Variants in MFHAS1 observed in about 807,000 individuals in gnomAD.
MFHAS1 encodes multifunctional ROCO family signaling regulator 1.
A neutral mutation model predicts 70.4 loss-of-function variants in MFHAS1; 50 were observed. That is an observed-to-expected ratio of 0.71 (90% CI 0.57 to 0.90). MFHAS1 has a LOEUF of 0.90. Ranked by LOEUF, MFHAS1 falls within the 40% of genes least tolerant of loss-of-function variation. The pLI, the probability that MFHAS1 is intolerant of heterozygous loss-of-function variation, is 0.00. For synonymous variants in MFHAS1, 952 were observed against 620.0 expected (o/e 1.54, Z -7.96); for missense variants, 1,795 against 1,347.6 (o/e 1.33, Z -5.20).
chr8:8,785,701 G>A lies in MFHAS1; in HGVS notation c.*321C>T. 2.9e-6 allele frequency: 1 copy of A among 342,226 alleles called. No homozygotes were observed. Among genetic ancestry groups the A allele is most frequent in the South Asian group, 4.7e-5 (1 of 21,172 alleles). The allele number at this position is 342,226 out of a possible 1,614,324, so 21.2% of individuals were successfully genotyped here. On this transcript the variant is annotated 3_prime_UTR_variant, in exon 3 of 3. Coordinates refer to ENST00000276282, the MANE Select transcript of MFHAS1 (RefSeq NM_004225.3). ...CCTGTACTGTAACTATGGCTTATATGTGCACGGAAAACAAAATCCCTGAGA... is the reference window on the plus strand; with the variant it reads ...CCTGTACTGTAACTATGGCTTATATATGCACGGAAAACAAAATCCCTGAGA...
At position 8,838,811 on chromosome 8, in the gene MFHAS1, C is replaced by CAAA. The variant is rs33959926; in HGVS notation, c.2999-41323_2999-41321dup. Among the ~76,000 whole-genome samples the CAAA allele has an allele frequency of 3.9e-3, 531 of 136,186 alleles. 4 individuals are homozygous for CAAA. The highest frequency in any genetic ancestry group is 6.3e-3 in the Non-Finnish European group (400 of 63,230). The allele number at this position is 136,186 out of a possible 152,430, so 89.3% of individuals were successfully genotyped here. The stretch of plus-strand genomic sequence containing the variant: ...TGAGCAACAGGGCGAGACCCTGCCT[C>CAAA]AAAAAAAAAAAAAAAATCCACGTAC... On this transcript the variant is annotated intron_variant, in intron 1 of 2. Coordinates refer to ENST00000276282, the MANE Select transcript of MFHAS1 (RefSeq NM_004225.3).
intron 1 of MFHAS1, among the ~76,000 whole-genome samples, chr8:8,808,322 C>T (rs150445796): frequency 0.023 from 3,535 of 151,620 alleles, 148 homozygotes; most frequent in African/African-American, 0.081. Flanking sequence ...CCCTGGGAAC[C>T]CTCCTCTGCC....
In MFHAS1 at chr8:8,891,039, G is replaced by A. The variant is rs765294264; in HGVS notation, c.2020C>T (p.Pro674Ser). Residue 674 changes from proline to serine, a missense_variant, in exon 1 of 3, where the codon CCT becomes TCT. Physicochemically the swap from Pro to Ser is moderately conservative, Grantham distance 74. Transcript: ENST00000276282. The surrounding 1 kb of genome is among the most constrained non-coding windows in gnomAD (Gnocchi z 5.4). The stretch of plus-strand genomic sequence containing the variant: ...CTTAGCCACAGTCGCTGGGCCTGAG[G>A]TGGCTGGAAATGCAGTTCCTCCAGC... ...QVLEELHFQP[P>S]QAQRLWLSWW... The A allele has an allele frequency of 4.3e-6, 7 of 1,613,736 alleles. No individual in the cohort carries two copies. The highest frequency in any genetic ancestry group is 1.1e-5 in the South Asian group (1 of 91,048).
Position 8,892,839 on chromosome 8 carries a change from C to G in MFHAS1, c.220G>C (p.Gly74Arg), listed in dbSNP as rs776899982. Reference sequence around the variant, plus strand: ...AGCCCCTCGGGTACCTCCTCCAGGCCGTTGTTCCCCAGGTTCAGTGCCTCA... The same window carrying G: ...AGCCCCTCGGGTACCTCCTCCAGGCGGTTGTTCCCCAGGTTCAGTGCCTCA... ...DIEALNLGNN[G>R]LEEVPEGLGS... The change falls in exon 1 of 3, where the codon GGC becomes CGC. Residue 74 changes from glycine (G) to arginine (R), a missense_variant. Coordinates refer to ENST00000276282, the MANE Select transcript of MFHAS1 (RefSeq NM_004225.3). The surrounding 1 kb of genome is among the most constrained non-coding windows in gnomAD (Gnocchi z 4.7). 4.4e-6 allele frequency: 7 copies of G among 1,596,508 alleles called. No homozygotes were observed. The Admixed American group carries it at 8.7e-5, about 20-fold the overall frequency.
At chr8:8,799,548 G>A (rs756687199) in intron 1 of MFHAS1, among the ~76,000 whole-genome samples, 2 of 152,190 alleles carry the variant, frequency 1.3e-5, no homozygotes, top group Non-Finnish European at 2.9e-5. Flanking sequence ...TTGAGCCCAG[G>A]AGTTCAAGAT....
chr8:8,786,794 T>A (rs1179413128), intron 2 of MFHAS1, among the ~76,000 whole-genome samples: 5 of 151,132 alleles, frequency 3.3e-5, no homozygotes, highest in Non-Finnish European at 4.4e-5. Flanking sequence ...CAATCCCCCA[T>A]CTCTCATTAG....
chr8:8,835,796 T>C (rs577275815), intron 1 of MFHAS1, among the ~76,000 whole-genome samples: 1 of 152,370 alleles, frequency 6.6e-6, no homozygotes, highest in South Asian at 2.1e-4. Context: ...AATTAAACTT[T>C]TCATGGCCTC....
In MFHAS1 at chr8:8,852,062, C is replaced by T. The variant is rs968290933; in HGVS notation, c.2998+37999G>A. On this transcript the variant is annotated intron_variant, in intron 1 of 2. Coordinates refer to ENST00000276282, the MANE Select transcript of MFHAS1 (RefSeq NM_004225.3). ...GGGTGGTGGAATGCCGGCTTCCATTCGAAGGAGACCCCTCTCCAGCACCAT... is the reference window on the plus strand; with the variant it reads ...GGGTGGTGGAATGCCGGCTTCCATTTGAAGGAGACCCCTCTCCAGCACCAT... 2.6e-5 allele frequency among the ~76,000 whole-genome samples: 4 copies of T among 152,256 alleles called. No individual in the cohort carries two copies. The South Asian group carries it at 6.2e-4, about 24-fold the overall frequency.
At chr8:8,882,413 C>G (rs550861318) in intron 1 of MFHAS1, among the ~76,000 whole-genome samples, 2 of 151,548 alleles carry the variant, frequency 1.3e-5, no homozygotes, top group Non-Finnish European at 2.9e-5. Flanking sequence ...AACAAACAAA[C>G]AAAATATCAT....
At chr8:8,882,167 G>A (rs1585070754) in intron 1 of MFHAS1, among the ~76,000 whole-genome samples, 3 of 152,082 alleles carry the variant, frequency 2.0e-5, no homozygotes, top group African/African-American at 4.8e-5. Context: ...GACCACCTGA[G>A]GTCAGGAGTT....
At chr8:8,788,693 A>T (rs1341838779) in intron 2 of MFHAS1, among the ~76,000 whole-genome samples, 1 of 152,198 alleles carries the variant, frequency 6.6e-6, no homozygotes, top group African/African-American at 2.4e-5. Context: ...AAAGAAACAA[A>T]AAGTATTGAG....
chr8:8,857,552 C>T (rs1350084468), intron 1 of MFHAS1, among the ~76,000 whole-genome samples: 2 of 152,002 alleles, frequency 1.3e-5, no homozygotes, highest in African/African-American at 4.8e-5. Context: ...AGGTCAGGAG[C>T]TCGAGACCAG....
chr8:8,856,228 G>A (rs1471976130), intron 1 of MFHAS1, among the ~76,000 whole-genome samples: 1 of 152,212 alleles, frequency 6.6e-6, no homozygotes, highest in Non-Finnish European at 1.5e-5. Flanking sequence ...GCTGGGCATG[G>A]TACAAGAGTC....
intron 1 of MFHAS1, among the ~76,000 whole-genome samples, chr8:8,883,392 G>A (rs918134688): frequency 1.3e-5 from 2 of 151,972 alleles, no homozygotes; most frequent in Non-Finnish European, 2.9e-5. Context: ...ATGGATGGAT[G>A]GTCAGGTGTC....
intron 1 of MFHAS1, among the ~76,000 whole-genome samples, chr8:8,818,201 C>CCTTT (rs769970418): frequency 6.6e-6 from 1 of 152,158 alleles, no homozygotes; most frequent in Non-Finnish European, 1.5e-5. Flanking sequence ...TCAGTAGACT[C>CCTTT]AGAAGAGTTT....
intron 1 of MFHAS1, among the ~76,000 whole-genome samples, chr8:8,868,021 G>A (rs904639183): frequency 1.3e-5 from 2 of 151,910 alleles, no homozygotes; most frequent in African/African-American, 2.4e-5. Context: ...CCTCTTTCTC[G>A]CCTGAACTTC....
chr8:8,802,581 C>A (rs1051253533), intron 1 of MFHAS1, among the ~76,000 whole-genome samples: 4 of 152,194 alleles, frequency 2.6e-5, no homozygotes, highest in African/African-American at 9.7e-5. Context: ...CTGTGAGAAA[C>A]AGATTTCTGT....
intron 1 of MFHAS1, among the ~76,000 whole-genome samples, chr8:8,805,513 G>A (rs1563181739): frequency 6.6e-6 from 1 of 152,116 alleles, no homozygotes; most frequent in Non-Finnish European, 1.5e-5. Context: ...CCTCATCATT[G>A]TCTGTTCATT....
Position 8,834,559 on chromosome 8 carries a change from T to C in MFHAS1, c.2999-37068A>G, listed in dbSNP as rs185472750. Among the ~76,000 whole-genome samples the C allele has an allele frequency of 2.3e-3, 357 of 152,342 alleles. 9 individuals are homozygous for C. The highest frequency in any genetic ancestry group is 0.021 in the Admixed American group (321 of 15,292). On this transcript the variant is annotated intron_variant, in intron 1 of 2. Coordinates refer to ENST00000276282, the MANE Select transcript of MFHAS1 (RefSeq NM_004225.3). ...TGTTATAATTGCCTATAGTATTGAT[T>C]ACAGTAACATGCTGCACAGGTTTCT...
Sources: gnomAD v4.1 joint callset for allele counts (sites outside exome capture counted in the v4.1 genomes callset) on GRCh38, gnomAD v4.1.1 for gene constraint, Gnocchi (gnomAD v3.1) non-coding constraint, MANE v1.5 for transcripts, NCBI Gene and HGNC (gene_info 2026-07-23, HGNC 2026-07-21) for gene names.